NRG3: variants seen among roughly 807,000 people sequenced by gnomAD.
NRG3 encodes the protein pro-neuregulin-3, membrane-bound isoform.
NRG3 carries 31 observed loss-of-function variants against 66.9 expected under a neutral mutation model. The observed-to-expected ratio is 0.46, with a 90% CI of 0.35 to 0.63. The LOEUF (loss-of-function observed/expected upper bound fraction) is 0.63. Among genes scored for constraint, NRG3 ranks in the 20% least tolerant of loss-of-function variants. The pLI is 0.00. For synonymous variants in NRG3, 393 were observed against 359.4 expected (o/e 1.09, Z -1.06); for missense variants, 910 against 878.9 (o/e 1.04, Z -0.45).
chr10:82,305,797 A>G (rs1321565008), intron 1 of NRG3, among the ~76,000 whole-genome samples: 2 of 152,194 alleles, frequency 1.3e-5, no homozygotes, highest in African/African-American at 4.8e-5. Context: ...ACTGCTGTAA[A>G]TAGTGACAAT....
chr10:82,377,363 C>T (rs2135802577), intron 2 of NRG3, among the ~76,000 whole-genome samples: 1 of 152,066 alleles, frequency 6.6e-6, no homozygotes, highest in South Asian at 2.1e-4. Context: ...GACATACATG[C>T]ATCATGGTCC....
chr10:82,411,451 G>A (rs1384639503), intron 2 of NRG3, among the ~76,000 whole-genome samples: 1 of 152,136 alleles, frequency 6.6e-6, no homozygotes, highest in East Asian at 1.9e-4. Context: ...GCAACGAGCT[G>A]GGGTAACCTC....
chr10:82,519,190 A>T (rs1278704795), intron 2 of NRG3, among the ~76,000 whole-genome samples: 1 of 152,126 alleles, frequency 6.6e-6, no homozygotes, highest in African/African-American at 2.4e-5. Context: ...ATGCTCCTTG[A>T]TTGTCCGGAG....
chr10:81,929,218 A>C (rs1470708705), intron 1 of NRG3, among the ~76,000 whole-genome samples: 2 of 152,074 alleles, frequency 1.3e-5, no homozygotes, highest in Non-Finnish European at 2.9e-5. Flanking sequence ...CAACCTAATA[A>C]ATATTTAATT....
intron 1 of NRG3, among the ~76,000 whole-genome samples, chr10:82,111,972 G>A (rs995889693): frequency 6.6e-6 from 1 of 152,112 alleles, no homozygotes; most frequent in Non-Finnish European, 1.5e-5. Context: ...GCTGGGCATG[G>A]TGGCTCATGG....
intron 3 of NRG3, among the ~76,000 whole-genome samples, chr10:82,743,066 C>G (rs2058496283): frequency 6.6e-6 from 1 of 152,078 alleles, no homozygotes; most frequent in Non-Finnish European, 1.5e-5. Context: ...AAGGGCACGC[C>G]TCCTCACACA....
chr10:82,377,510 A>G (rs2085332406), intron 2 of NRG3, among the ~76,000 whole-genome samples: 2 of 152,074 alleles, frequency 1.3e-5, no homozygotes, highest in Non-Finnish European at 2.9e-5. Context: ...GGATAACGTA[A>G]CATAATACTC....
intron 1 of NRG3, among the ~76,000 whole-genome samples, chr10:82,175,134 A>G (rs2072931892): frequency 1.3e-5 from 2 of 152,016 alleles, no homozygotes; most frequent in Admixed American, 1.3e-4. Flanking sequence ...CTTGCTACCC[A>G]TCACTTTCTG....
chr10:82,270,648 T>C (rs1159982305), intron 1 of NRG3, among the ~76,000 whole-genome samples: 1 of 152,124 alleles, frequency 6.6e-6, no homozygotes, highest in Non-Finnish European at 1.5e-5. Context: ...TCCGAAGGTA[T>C]AGCAAAATGG....
chr10:82,163,129 G>T (rs78327981), intron 1 of NRG3, among the ~76,000 whole-genome samples: 1 of 151,952 alleles, frequency 6.6e-6, no homozygotes, highest in Non-Finnish European at 1.5e-5. Context: ...TTTTCAGAAG[G>T]TCTAATTAAC....
chr10:82,187,674 G>A lies in NRG3; in HGVS notation c.824-171065G>A, dbSNP rs537798174. ...TGTTGATTTTCTTACATATTTGACAGTGTCAACATTGAGGCTCACCAGATC... is the reference window on the plus strand; with the variant it reads ...TGTTGATTTTCTTACATATTTGACAATGTCAACATTGAGGCTCACCAGATC... On this transcript the variant is annotated intron_variant, in intron 1 of 8. Coordinates refer to ENST00000372141, the MANE Select transcript of NRG3 (RefSeq NM_001010848.4). 3.9e-5 allele frequency among the ~76,000 whole-genome samples: 6 copies of A among 152,190 alleles called. 1 individual carries two copies. In the South Asian group the frequency reaches 1.0e-3, roughly 26 times the overall value.
At chr10:82,799,413 C>T (rs1371418907) in intron 3 of NRG3, among the ~76,000 whole-genome samples, 1 of 151,426 alleles carries the variant, frequency 6.6e-6, no homozygotes, top group Admixed American at 6.6e-5. Flanking sequence ...GTAATCCCAG[C>T]TACTCAGGAG....
intron 1 of NRG3, among the ~76,000 whole-genome samples, chr10:82,266,106 T>C (rs1424672550): frequency 6.6e-6 from 1 of 152,024 alleles, no homozygotes; most frequent in Non-Finnish European, 1.5e-5. Context: ...GGAGCTTGAG[T>C]CCCACTAAGG....
At chr10:81,921,491 T>C (rs866305998) in intron 1 of NRG3, among the ~76,000 whole-genome samples, 48 of 152,234 alleles carry the variant, frequency 3.2e-4, no homozygotes, top group Middle Eastern at 3.4e-3. Flanking sequence ...TCTTTTATGG[T>C]TTTTAACTTG....
intron 3 of NRG3, among the ~76,000 whole-genome samples, chr10:82,792,556 C>T (rs533259662): frequency 2.0e-5 from 3 of 152,084 alleles, no homozygotes; most frequent in Non-Finnish European, 4.4e-5. Flanking sequence ...CTTGGTCTTG[C>T]TACTGCATTC....
At chr10:81,935,919 A>ACCCCC (rs1554859983) in intron 1 of NRG3, among the ~76,000 whole-genome samples, 4 of 146,648 alleles carry the variant, frequency 2.7e-5, no homozygotes, top group African/African-American at 1.0e-4. Context: ...ACACACACAC[A>ACCCCC]CACACAGTTT....
At chr10:82,351,551 C>T (rs1236275429) in intron 1 of NRG3, among the ~76,000 whole-genome samples, 1 of 152,092 alleles carries the variant, frequency 6.6e-6, no homozygotes, top group African/African-American at 2.4e-5. Context: ...ATGAAAAGGG[C>T]CCCACCAGCA....
chr10:82,323,955 C>T (rs956999615), intron 1 of NRG3, among the ~76,000 whole-genome samples: 8 of 152,086 alleles, frequency 5.3e-5, no homozygotes, highest in Non-Finnish European at 8.8e-5. Context: ...ACCTCCACCT[C>T]GCAGGTTCAA....
At chr10:82,659,449 C>T (rs1241896371) in intron 2 of NRG3, among the ~76,000 whole-genome samples, 4 of 152,010 alleles carry the variant, frequency 2.6e-5, no homozygotes, top group South Asian at 2.1e-4. Flanking sequence ...GTCAGGAGTT[C>T]GAGGCCACAT....
Sources: gnomAD v4.1 joint callset for allele counts (sites outside exome capture counted in the v4.1 genomes callset) on GRCh38, gnomAD v4.1.1 for gene constraint, MANE v1.5 for transcripts, NCBI Gene and HGNC (gene_info 2026-07-23, HGNC 2026-07-21) for gene names.